CYTH1: variants seen among roughly 807,000 people sequenced by gnomAD.
The protein encoded by CYTH1 is cytohesin 1, also known as cytohesin-1.
Under a neutral mutation model 61.8 loss-of-function variants are expected in CYTH1, and 18 were observed. The observed-to-expected ratio is 0.29, with a 90% CI of 0.20 to 0.43. The LOEUF (loss-of-function observed/expected upper bound fraction) is 0.43. Ranked by LOEUF, CYTH1 falls within the 20% of genes least tolerant of loss-of-function variation. The pLI, the probability that CYTH1 is intolerant of heterozygous loss-of-function variation, is 1.00. For synonymous variants in CYTH1, 174 were observed against 184.3 expected, an observed-to-expected ratio of 0.94 and a Z score of 0.45; for missense variants, 336 against 510.5, an observed-to-expected ratio of 0.66 and a Z score of 3.29.
At chr17:78,708,318 C>A in intron 2 of CYTH1, 57 bp from the exon 3 acceptor site, 2 of 1,496,474 alleles carry the variant, frequency 1.3e-6, no homozygotes, top group East Asian at 2.4e-5. Context: ...CAAATTAAAA[C>A]TTCTAAAATC....
chr17:78,736,077 C>T (rs1005966850), intron 1 of CYTH1, among the ~76,000 whole-genome samples: 5 of 152,254 alleles, frequency 3.3e-5, no homozygotes, highest in African/African-American at 9.6e-5. Flanking sequence ...CCTCACCTAA[C>T]AACCAAAGGG....
intron 3 of CYTH1, 150 bp downstream of exon 3, chr17:78,708,047 G>T: frequency 1.4e-6 from 1 of 733,772 alleles, no homozygotes; most frequent in East Asian, 2.9e-5. Flanking sequence ...AAGGATGGAA[G>T]GCAGACATTA....
intron 1 of CYTH1, among the ~76,000 whole-genome samples, chr17:78,753,477 A>G (rs186615694): frequency 1.1e-4 from 17 of 151,298 alleles, no homozygotes; most frequent in African/African-American, 4.1e-4. Flanking sequence ...CCTGAGCAAC[A>G]TGGTCAGACC....
At position 78,778,986 on chromosome 17, in the gene CYTH1, G is replaced by A. The variant is rs1293617961; in HGVS notation, c.22+3216C>T. On this transcript the variant is annotated intron_variant, in intron 1 of 13. Coordinates refer to ENST00000446868, the MANE Select transcript of CYTH1 (RefSeq NM_004762.6). ...AACACAAACCTTAAAGAACTTGGGA[G>A]TCTTATTCTTCATATGATCATCTTA... Among the ~76,000 whole-genome samples, 5 of 152,170 alleles carry A rather than the reference G, an allele frequency of 3.3e-5. No homozygotes were observed. The South Asian group carries it at 1.0e-3, about 31-fold the overall frequency.
intron 1 of CYTH1, among the ~76,000 whole-genome samples, chr17:78,775,851 T>C (rs1353134823): frequency 2.6e-5 from 4 of 152,178 alleles, no homozygotes; most frequent in Non-Finnish European, 4.4e-5. Context: ...TTTTAAATGT[T>C]TATATAGAAA....
chr17:78,680,834 G>C, intron 12 of CYTH1, 137 bp downstream of exon 12: 1 of 879,568 alleles, frequency 1.1e-6, no homozygotes, highest in Non-Finnish European at 1.8e-6. Flanking sequence ...TCTTTGGCTT[G>C]AACAATATAA....
intron 1 of CYTH1, among the ~76,000 whole-genome samples, chr17:78,722,641 C>T (rs1192500728): frequency 6.6e-6 from 1 of 152,230 alleles, no homozygotes; most frequent in Non-Finnish European, 1.5e-5. Context: ...TTCTCTCTCA[C>T]TTTACCCTCA....
At chr17:78,688,045 A>G (rs932251908) in intron 11 of CYTH1, among the ~76,000 whole-genome samples, 3 of 152,230 alleles carry the variant, frequency 2.0e-5, no homozygotes, top group South Asian at 2.1e-4. Flanking sequence ...GGTAATTTCA[A>G]TCGCATCCTG....
intron 1 of CYTH1, among the ~76,000 whole-genome samples, chr17:78,747,255 T>C (rs1472732725): frequency 6.7e-6 from 1 of 149,436 alleles, no homozygotes; most frequent in Admixed American, 6.7e-5. Context: ...AAAAAGTCCC[T>C]GGGAGGGGTG....
intron 7 of CYTH1, among the ~76,000 whole-genome samples, chr17:78,699,609 A>G (rs767345316): frequency 1.3e-5 from 2 of 152,194 alleles, no homozygotes; most frequent in Admixed American, 6.5e-5. Flanking sequence ...TCTAGCAATA[A>G]TTTATTTTGC....
intron 1 of CYTH1, among the ~76,000 whole-genome samples, chr17:78,738,638 A>C (rs759203367): frequency 2.6e-5 from 4 of 151,800 alleles, no homozygotes; most frequent in African/African-American, 4.9e-5. Context: ...AAAAAAAAAA[A>C]CACTTTGTTT....
In CYTH1 at chr17:78,736,680, G is replaced by A. The variant is rs200891004; in HGVS notation, c.23-26948C>T. The A allele has an allele frequency of 2.5e-3, 1,023 of 404,042 alleles. 6 individuals are homozygous for A. The highest frequency in any genetic ancestry group is 0.019 in the Middle Eastern group (52 of 2,806). 25.0% of individuals were successfully genotyped at this position (404,042 alleles called of 1,614,324 possible). ...GCATCAGTCCCGGCCGGGGGCTGCG[G>A]CTTTGACTCACCGTCCTCCTCTTCG... is the stretch of plus-strand genomic sequence containing the variant. On this transcript the variant is annotated intron_variant, in intron 1 of 13. Transcript: ENST00000446868.
intron 11 of CYTH1, among the ~76,000 whole-genome samples, chr17:78,683,916 G>T (rs1477716491): frequency 6.6e-6 from 1 of 152,232 alleles, no homozygotes; most frequent in South Asian, 2.1e-4. Flanking sequence ...AGGCGAGCAG[G>T]TGGGTGGTCT....
At chr17:78,781,035 TAATAA>T (rs1426492086) in intron 1 of CYTH1, among the ~76,000 whole-genome samples, 4 of 150,720 alleles carry the variant, frequency 2.7e-5, no homozygotes, top group African/African-American at 4.9e-5. Flanking sequence ...TAAAATAAAA[TAATAA>T]AATAAAATAA....
At position 78,770,301 on chromosome 17, in the gene CYTH1, C is replaced by A. The variant is rs567228057; in HGVS notation, c.22+11901G>T. Among the ~76,000 whole-genome samples the A allele has an allele frequency of 4.9e-3, 427 of 86,994 alleles. 3 individuals are homozygous for A. The highest frequency in any genetic ancestry group is 0.02 in the African/African-American group (413 of 20,598). The allele number at this position is 86,994 out of a possible 152,430, so 57.1% of individuals were successfully genotyped here. On this transcript the variant is annotated intron_variant, in intron 1 of 13. Coordinates refer to ENST00000446868, the MANE Select transcript of CYTH1 (RefSeq NM_004762.6). ...TTGTGCCACTGCACTCCAGCCTGGGCAACAAGAGCAAAATTCCCATCTCCA... is the reference window on the plus strand; with the variant it reads ...TTGTGCCACTGCACTCCAGCCTGGGAAACAAGAGCAAAATTCCCATCTCCA...
At chr17:78,684,230 A>T (rs1472966615) in intron 11 of CYTH1, among the ~76,000 whole-genome samples, 2 of 152,164 alleles carry the variant, frequency 1.3e-5, no homozygotes, top group African/African-American at 2.4e-5. Flanking sequence ...TCATCCTGCC[A>T]CTTGAGAATT....
intron 1 of CYTH1, among the ~76,000 whole-genome samples, chr17:78,732,496 C>T (rs1036027089): frequency 5.3e-5 from 8 of 152,212 alleles, no homozygotes; most frequent in Non-Finnish European, 8.8e-5. Context: ...GTGTACTCAA[C>T]AGGAAAGCCT....
At chr17:78,760,415 A>G (rs1394727485) in intron 1 of CYTH1, among the ~76,000 whole-genome samples, 1 of 84,570 alleles carries the variant, frequency 1.2e-5, no homozygotes, top group African/African-American at 4.9e-5. Context: ...ATGTGTATAT[A>G]TATATATATA....
intron 1 of CYTH1, among the ~76,000 whole-genome samples, chr17:78,763,657 C>T (rs774798855): frequency 7.9e-5 from 12 of 152,072 alleles, no homozygotes; most frequent in Admixed American, 4.6e-4. Flanking sequence ...ATAAGAGTTA[C>T]GTGAATGTAG....
Sources: gnomAD v4.1 joint callset for allele counts (sites outside exome capture counted in the v4.1 genomes callset) on GRCh38, gnomAD v4.1.1 for gene constraint, MANE v1.5 for transcripts, NCBI Gene and HGNC (gene_info 2026-07-23, HGNC 2026-07-21) for gene names.